The following COPG1 variants were observed in gnomAD, a reference collection of about 807,000 sequenced individuals.
COPG1 encodes coat protein complex I subunit gamma 1.
COPG1 carries 29 observed loss-of-function variants against 102.8 expected under a neutral mutation model. The observed-to-expected ratio is 0.28, with a 90% CI of 0.21 to 0.38. The LOEUF (loss-of-function observed/expected upper bound fraction) is 0.38, where lower values mean the gene tolerates loss of function less well. Among genes scored for constraint, COPG1 ranks in the 10% least tolerant of loss-of-function variants. COPG1 has a pLI of 1.00. For missense variants in COPG1, 875 were observed against 1,132.7 expected, an observed-to-expected ratio of 0.77 and a Z score of 3.27; for synonymous variants, 406 against 421.6, an observed-to-expected ratio of 0.96 and a Z score of 0.45.
intron 5 of COPG1, among the ~76,000 whole-genome samples, chr3:129,253,982 C>T (rs1939748787): frequency 7.4e-6 from 1 of 134,438 alleles, no homozygotes; most frequent in South Asian, 2.3e-4. Flanking sequence ...GCCTGGGTGA[C>T]AGAACGAGAC....
At position 129,254,717 on chromosome 3, in the gene COPG1, G is replaced by A. The variant is rs770080152; in HGVS notation, c.373G>A (p.Val125Met). The change falls in exon 6 of 24, where the codon GTG (valine) becomes ATG (methionine). Residue 125 changes from valine to methionine, a missense_variant. Coordinates refer to ENST00000314797, the MANE Select transcript of COPG1 (RefSeq NM_016128.4). Reference protein sequence around the residue: ...GKEDNYRGPAVRALCQITDST... With the variant: ...GKEDNYRGPAMRALCQITDST... The stretch of plus-strand genomic sequence containing the variant: ...AGAAGACAACTACCGGGGCCCGGCC[G>A]TGCGAGCCCTCTGCCAGATCACTGA... 1.7e-5 allele frequency: 28 copies of A among 1,613,982 alleles called. No homozygotes were observed. Among genetic ancestry groups the A allele is most frequent in the East Asian group, 6.7e-5 (3 of 44,894 alleles).
At position 129,260,317 on chromosome 3, in the gene COPG1, A is replaced by T. The variant is rs535308051; in HGVS notation, c.872-16A>T. Reference sequence around the variant, plus strand: ...CAGTGAAGGCAACCTGACATGTGGCATCCATCTCCCCACAGTGCTCCAGCT... The same window carrying T: ...CAGTGAAGGCAACCTGACATGTGGCTTCCATCTCCCCACAGTGCTCCAGCT... On this transcript the variant is annotated splice_polypyrimidine_tract_variant and intron_variant, in intron 10 of 23. Transcript: ENST00000314797. 3.7e-6 allele frequency: 6 copies of T among 1,613,356 alleles called. No homozygotes were observed. The African/African-American group carries it at 8.0e-5, about 22-fold the overall frequency.
chr3:129,252,655 G>C lies in COPG1; in HGVS notation c.204G>C (p.Glu68Asp), dbSNP rs778675521. ...ACCTGGGGACCACGGAAGCGACCGA[G>C]GCCTTCTTTGCCATGACCAAGCTCT... ...GEHLGTTEAT[E>D]AFFAMTKLFQ... Residue 68 changes from glutamate to aspartate, a missense_variant, in exon 4 of 24, where the codon GAG becomes GAC. By Grantham distance (45) the Glu-to-Asp change is conservative. Transcript: ENST00000314797. 1 of 1,614,164 alleles carries C rather than the reference G, an allele frequency of 6.2e-7. No individual in the cohort carries two copies. The highest frequency in any genetic ancestry group is 1.1e-5 in the South Asian group (1 of 91,088).
rs1244221937 is a variant in COPG1, at chr3:129,250,675, A to C, written c.38-7A>C. 1 of 1,613,646 alleles carries C rather than the reference A, an allele frequency of 6.2e-7. No individual in the cohort carries two copies. ...CAACCTACCTTCTCCATTGTCCTTGACCGTAGGTGGAGGCTCCAACCCATT... is the reference window on the plus strand; with the variant it reads ...CAACCTACCTTCTCCATTGTCCTTGCCCGTAGGTGGAGGCTCCAACCCATT... On this transcript the variant is annotated splice_polypyrimidine_tract_variant and splice_region_variant and intron_variant, in intron 1 of 23. Coordinates refer to ENST00000314797, the MANE Select transcript of COPG1 (RefSeq NM_016128.4).
chr3:129,269,088 T>C (rs150015475), intron 18 of COPG1, 88 bp downstream of exon 18: 31 of 1,160,988 alleles, frequency 2.7e-5, no homozygotes, highest in Middle Eastern at 4.2e-4. Context: ...TATTGGTCTC[T>C]CCTGAGTGCT....
At position 129,277,265 on chromosome 3, in the gene COPG1, T is replaced by C. The variant is rs764022824; in HGVS notation, c.2495-29T>C. Reference sequence around the variant, plus strand: ...GCCCTGTACAGTCCCTTCTGCTGTATATATCTGTACTTCTCTCTTCCCTTC... The same window carrying C: ...GCCCTGTACAGTCCCTTCTGCTGTACATATCTGTACTTCTCTCTTCCCTTC... On this transcript the variant is annotated intron_variant, in intron 23 of 23. Transcript: ENST00000314797. 17 of 1,612,242 alleles carry C rather than the reference T, an allele frequency of 1.1e-5. No homozygotes were observed. The South Asian group carries it at 1.5e-4, about 15-fold the overall frequency.
rs141276728 is a variant in COPG1, at chr3:129,265,570, G to A, written c.1246G>A (p.Ala416Thr). 41 of 1,614,052 alleles carry A rather than the reference G, an allele frequency of 2.5e-5. No homozygotes were observed. In the African/African-American group the frequency reaches 3.5e-4, roughly 14 times the overall value. The change falls in exon 14 of 24, where the codon GCT becomes ACT. Residue 416 changes from alanine to threonine, a missense_variant. Transcript: ENST00000314797. ...REEGGFEYKRAIVDCIISIIE... is the reference protein window; with the variant it reads ...REEGGFEYKRTIVDCIISIIE... ...GCAGGGTGGCTTTGAGTATAAGCGC[G>A]CTATCGTGGACTGCATCATCAGCAT... is the stretch of plus-strand genomic sequence containing the variant.
At chr3:129,254,020 C>G (rs1174389151) in intron 5 of COPG1, among the ~76,000 whole-genome samples, 1 of 147,826 alleles carries the variant, frequency 6.8e-6, no homozygotes, top group Admixed American at 6.8e-5. Context: ...AAAAAAAAGC[C>G]AGGAGTGATG....
chr3:129,269,341 G>T (rs1354734715), intron 18 of COPG1, among the ~76,000 whole-genome samples: 1 of 152,164 alleles, frequency 6.6e-6, no homozygotes, highest in African/African-American at 2.4e-5. Flanking sequence ...AAAGACACTG[G>T]TACTTTTTGT....
intron 1 of COPG1, among the ~76,000 whole-genome samples, chr3:129,249,963 C>T (rs1939657808): frequency 7.6e-6 from 1 of 131,884 alleles, no homozygotes. Flanking sequence ...TGACCTTGGG[C>T]GCGACAAACA....
intron 13 of COPG1, among the ~76,000 whole-genome samples, chr3:129,265,030 AG>A (rs1940024420): frequency 2.6e-5 from 4 of 152,026 alleles, no homozygotes; most frequent in African/African-American, 9.7e-5. Context: ...CATGTTGGTC[AG>A]GCTGGTCTCA....
intron 18 of COPG1, among the ~76,000 whole-genome samples, chr3:129,270,331 A>G (rs1427963481): frequency 2.6e-5 from 4 of 152,138 alleles, no homozygotes; most frequent in Admixed American, 2.6e-4. Context: ...CCTCACATTT[A>G]CTAATCACAT....
intron 2 of COPG1, among the ~76,000 whole-genome samples, chr3:129,251,633 G>T (rs1301756677): frequency 6.6e-6 from 1 of 151,644 alleles, no homozygotes; most frequent in East Asian, 2.0e-4. Flanking sequence ...TGATCCTCCC[G>T]CCTCGGCCTC....
At chr3:129,260,577 C>A in intron 11 of COPG1, 42 bp from the exon 12 acceptor site, 1 of 1,593,674 alleles carries the variant, frequency 6.3e-7, no homozygotes, top group Non-Finnish European at 8.6e-7. Context: ...GTAGTGACAG[C>A]ATTGGGTTCC....
rs148238753 is a variant in COPG1, at chr3:129,265,719, G to A, written c.1395G>A (p.Lys465=). Residue 465 remains lysine, a synonymous_variant, in exon 14 of 24, where the codon AAG becomes AAA. Transcript: ENST00000314797. The part of the protein sequence containing the change: ...ILHLLGQEGP[K]TTNPSKYIRF... The stretch of plus-strand genomic sequence containing the variant: ...ATCTCCTGGGCCAGGAGGGGCCCAA[G>A]ACCACCAATCCCTCAAAGTACATCC... The A allele has an allele frequency of 6.2e-7, 1 of 1,614,162 alleles. No homozygotes were observed. The highest frequency in any genetic ancestry group is 8.5e-7 in the Non-Finnish European group (1 of 1,180,028).
At chr3:129,264,034 T>G in intron 13 of COPG1, 35 bp downstream of exon 13, 1 of 1,555,954 alleles carries the variant, frequency 6.4e-7, no homozygotes, top group Non-Finnish European at 8.9e-7. Context: ...ATGCCAGGTC[T>G]CCTGGTGCAG....
chr3:129,256,195 C>T, intron 8 of COPG1, 41 bp downstream of exon 8: 1 of 1,567,174 alleles, frequency 6.4e-7, no homozygotes, highest in Non-Finnish European at 8.8e-7. Context: ...AACACTCAGG[C>T]AGGTGGTAAG....
chr3:129,255,414 T>C (rs1430682836), intron 7 of COPG1, among the ~76,000 whole-genome samples: 1 of 151,950 alleles, frequency 6.6e-6, no homozygotes, highest in African/African-American at 2.4e-5. Context: ...ACAGACCTCA[T>C]GATCTACCCG....
In COPG1 at chr3:129,272,501, C is replaced by T. The variant is rs940648213; in HGVS notation, c.2158+86C>T. On this transcript the variant is annotated intron_variant, in intron 20 of 23. Transcript: ENST00000314797. ...GGGCGGCTGGGCACCAGCTGTTTGCCTTCTATTAGAGCTTCAGCTCCTTGA... is the reference window on the plus strand; with the variant it reads ...GGGCGGCTGGGCACCAGCTGTTTGCTTTCTATTAGAGCTTCAGCTCCTTGA... 6.4e-6 allele frequency: 7 copies of T among 1,098,400 alleles called. No individual in the cohort carries two copies. The African/African-American group carries it at 1.1e-4, about 17-fold the overall frequency. 68.0% of individuals were successfully genotyped at this position (1,098,400 alleles called of 1,614,324 possible). A position where few individuals can be genotyped will look rare whatever the true frequency, so the allele number is the denominator to read the frequency against.
Sources: allele counts gnomAD v4.1 joint callset (sites outside exome capture counted in the v4.1 genomes callset), GRCh38; gene constraint gnomAD v4.1.1; transcripts MANE v1.5; gene names NCBI Gene and HGNC (gene_info 2026-07-23, HGNC 2026-07-21).